RBMS3: variants seen among roughly 807,000 people sequenced by gnomAD.
RBMS3 encodes the protein RNA-binding motif, single-stranded-interacting protein 3.
In RBMS3, 27 loss-of-function variants were observed where a neutral mutation model predicts 66.8. That is an observed-to-expected ratio of 0.40 (90% CI 0.30 to 0.56). RBMS3 has a LOEUF of 0.56. Ranked by LOEUF, RBMS3 falls within the 20% of genes least tolerant of loss-of-function variation. The pLI, the probability that RBMS3 is intolerant of heterozygous loss-of-function variation, is 0.40. For synonymous variants in RBMS3, 188 were observed against 183.0 expected, an observed-to-expected ratio of 1.03 and a Z score of -0.22; for missense variants, 513 against 549.5, an observed-to-expected ratio of 0.93 and a Z score of 0.66.
chr3:29,889,940 A>G (rs1253927377), intron 8 of RBMS3, among the ~76,000 whole-genome samples: 2 of 151,502 alleles, frequency 1.3e-5, no homozygotes, highest in African/African-American at 4.8e-5. Flanking sequence ...TATTACCTCT[A>G]GTTTCACCCA....
At chr3:29,613,048 A>G (rs1278302943) in intron 4 of RBMS3, among the ~76,000 whole-genome samples, 2 of 152,130 alleles carry the variant, frequency 1.3e-5, no homozygotes, top group East Asian at 3.9e-4. Context: ...TGTGTGTATG[A>G]CAGAGCTCCA....
intron 10 of RBMS3, among the ~76,000 whole-genome samples, chr3:29,905,925 A>T (rs576148645): frequency 3.9e-4 from 59 of 152,176 alleles, no homozygotes; most frequent in African/African-American, 1.3e-3. Flanking sequence ...TTTCTCAAAA[A>T]TTTTTCTAGC....
At chr3:29,680,086 G>T (rs1212666943) in intron 4 of RBMS3, among the ~76,000 whole-genome samples, 1 of 152,122 alleles carries the variant, frequency 6.6e-6, no homozygotes, top group East Asian at 1.9e-4. Context: ...AAAGGCTCAA[G>T]CCTTGAATAC....
intron 2 of RBMS3, among the ~76,000 whole-genome samples, chr3:29,457,900 G>T (rs1293281589): frequency 6.6e-6 from 1 of 150,518 alleles, no homozygotes; most frequent in African/African-American, 2.5e-5. Context: ...TTTGCCTACA[G>T]GCTTTTATAA....
Position 30,004,225 on chromosome 3 carries a change from A to G in RBMS3, c.*363A>G, listed in dbSNP as rs1699736809. ...TGTAGATACTTTTTTTTTTTTTTTA[A>G]CAGAAAACCTGATGTCAAGAGGTGG... On this transcript the variant is annotated 3_prime_UTR_variant, in exon 15 of 15. Coordinates refer to ENST00000383767, the MANE Select transcript of RBMS3 (RefSeq NM_001003793.3). 6.0e-6 allele frequency: 1 copy of G among 166,560 alleles called. No individual in the cohort carries two copies. The highest frequency in any genetic ancestry group is 2.4e-5 in the African/African-American group (1 of 41,646). The allele number at this position is 166,560 out of a possible 1,614,324, so 10.3% of individuals were successfully genotyped here. A position where few individuals can be genotyped will look rare whatever the true frequency, so the allele number is the denominator to read the frequency against.
intron 10 of RBMS3, among the ~76,000 whole-genome samples, chr3:29,903,579 T>C (rs2060305451): frequency 6.6e-6 from 1 of 151,936 alleles, no homozygotes; most frequent in South Asian, 2.1e-4. Context: ...TTCCAATACA[T>C]TGGATATTTT....
At chr3:29,354,227 T>G (rs1318101747) in intron 1 of RBMS3, among the ~76,000 whole-genome samples, 2 of 152,146 alleles carry the variant, frequency 1.3e-5, no homozygotes, top group East Asian at 3.8e-4. Context: ...ATTGGAACAT[T>G]TGCTACTCTA....
chr3:29,302,525 A>T (rs28405628), intron 1 of RBMS3, among the ~76,000 whole-genome samples: 83 of 152,002 alleles, frequency 5.5e-4, no homozygotes, highest in African/African-American at 1.8e-3. Context: ...TGGAAAAAAA[A>T]TATATATGTA....
intron 1 of RBMS3, among the ~76,000 whole-genome samples, chr3:29,419,630 A>T (rs1232997099): frequency 6.6e-6 from 1 of 152,204 alleles, no homozygotes; most frequent in Non-Finnish European, 1.5e-5. Context: ...AATATAGTAC[A>T]TAGTAACATG....
At chr3:29,553,774 AT>A (rs2046255471) in intron 3 of RBMS3, among the ~76,000 whole-genome samples, 1 of 150,376 alleles carries the variant, frequency 6.6e-6, no homozygotes, top group African/African-American at 2.5e-5. Flanking sequence ...ACATAAAACA[AT>A]TTTTATTACA....
chr3:29,333,924 A>G (rs1292217609), intron 1 of RBMS3, among the ~76,000 whole-genome samples: 1 of 152,218 alleles, frequency 6.6e-6, no homozygotes, highest in East Asian at 1.9e-4. Flanking sequence ...ATAGTAAGAC[A>G]GAATGGTTAA....
intron 2 of RBMS3, among the ~76,000 whole-genome samples, chr3:29,462,100 T>C (rs768966216): frequency 4.1e-4 from 63 of 151,808 alleles, no homozygotes; most frequent in Non-Finnish European, 7.9e-4. Context: ...TAAAATGGGG[T>C]GATAATACAT....
intron 3 of RBMS3, among the ~76,000 whole-genome samples, chr3:29,533,569 A>C (rs561623384): frequency 1.6e-4 from 25 of 152,208 alleles, no homozygotes; most frequent in African/African-American, 5.3e-4. Context: ...CGAGGTTAGG[A>C]GTTCAAGACC....
intron 3 of RBMS3, among the ~76,000 whole-genome samples, chr3:29,553,748 G>A (rs544267520): frequency 4.4e-4 from 67 of 150,774 alleles, no homozygotes; most frequent in African/African-American, 1.6e-3. Flanking sequence ...GATCTCCCAG[G>A]CTCAGATTGA....
intron 14 of RBMS3, among the ~76,000 whole-genome samples, chr3:29,995,423 G>A (rs1164490386): frequency 0.034 from 2,991 of 88,446 alleles, no homozygotes; most frequent in South Asian, 0.041. Context: ...ACGCCACAAA[G>A]ATACTCCTCG....
chr3:29,734,616 G>A (rs2054297965), intron 4 of RBMS3, among the ~76,000 whole-genome samples: 1 of 152,002 alleles, frequency 6.6e-6, no homozygotes, highest in Non-Finnish European at 1.5e-5. Flanking sequence ...GACCCATAGG[G>A]TGTTCCATTA....
At chr3:29,579,882 C>G (rs1254769152) in intron 3 of RBMS3, among the ~76,000 whole-genome samples, 1 of 152,128 alleles carries the variant, frequency 6.6e-6, no homozygotes, top group Non-Finnish European at 1.5e-5. Flanking sequence ...CTCGATAAAG[C>G]ATAGTGACTG....
chr3:29,979,407 TTTAAA>T (rs1209806787), intron 12 of RBMS3, among the ~76,000 whole-genome samples: 1 of 152,164 alleles, frequency 6.6e-6, no homozygotes, highest in Non-Finnish European at 1.5e-5. Flanking sequence ...CAGATGGAGT[TTTAAA>T]TAAGTGTCAT....
At chr3:29,695,717 AT>A (rs1352464863) in intron 4 of RBMS3, among the ~76,000 whole-genome samples, 1 of 152,098 alleles carries the variant, frequency 6.6e-6, no homozygotes, top group Non-Finnish European at 1.5e-5. Context: ...CAGATAAAGC[AT>A]TTTCTTTTGA....
Sources: allele counts gnomAD v4.1 joint callset (sites outside exome capture counted in the v4.1 genomes callset), GRCh38; gene constraint gnomAD v4.1.1; transcripts MANE v1.5; gene names NCBI Gene and HGNC (gene_info 2026-07-23, HGNC 2026-07-21).